The following USH2A variants were observed in gnomAD, a reference collection of about 807,000 sequenced individuals.
USH2A encodes usherin.
USH2A carries 443 observed loss-of-function variants against 538.9 expected under a neutral mutation model. The ratio of observed to expected loss-of-function variants is 0.82; its 90% CI spans 0.76 to 0.89. The LOEUF (loss-of-function observed/expected upper bound fraction) is 0.89. Among genes scored for constraint, USH2A ranks in the 40% least tolerant of loss-of-function variants. The pLI is 0.00. For synonymous variants in USH2A, 2,413 were observed against 2,273.5 expected (o/e 1.06, Z -1.75); for missense variants, 6,633 against 6,324.8 (o/e 1.05, Z -1.65).
chr1:215,942,227 C>A (rs1045815074), intron 37 of USH2A, among the ~76,000 whole-genome samples: 1 of 152,126 alleles, frequency 6.6e-6, no homozygotes, highest in African/African-American at 2.4e-5. Flanking sequence ...TGTTGCCTGG[C>A]GTTCACCCTC....
chr1:216,323,660 C>T lies in USH2A; in HGVS notation c.1364G>A (p.Ser455Asn), dbSNP rs2037664511. Residue 455 changes from serine (S) to asparagine (N), a missense_variant, in exon 8 of 72, where the codon AGC (serine) becomes AAC (asparagine). By Grantham distance (46) the Ser-to-Asn change is conservative (BLOSUM62 1). Coordinates refer to ENST00000307340, the MANE Select transcript of USH2A (RefSeq NM_206933.4). ...ATAATTTGGTCCAGGTGTCAGGATGCTAAATGTGACATTGCCACGGGAATA... is the reference window on the plus strand; with the variant it reads ...ATAATTTGGTCCAGGTGTCAGGATGTTAAATGTGACATTGCCACGGGAATA... Reference protein sequence around the residue: ...TPYSRGNVTFSILTPGPNYRP... With the variant: ...TPYSRGNVTFNILTPGPNYRP... 3 of 1,613,406 alleles carry T rather than the reference C, an allele frequency of 1.9e-6. No individual in the cohort carries two copies. Among genetic ancestry groups the T allele is most frequent in the Non-Finnish European group, 1.7e-6 (2 of 1,179,664 alleles).
At chr1:215,647,825 T>G (rs2102642413) in intron 66 of USH2A, 95 bp from the exon 67 acceptor site, 2 of 1,429,332 alleles carry the variant, frequency 1.4e-6, no homozygotes, top group Non-Finnish European at 1.9e-6. Flanking sequence ...GGAGACATTT[T>G]GTTTTCACAG....
chr1:216,175,542 T>C, intron 20 of USH2A, 60 bp from the exon 21 acceptor site: 2 of 1,428,156 alleles, frequency 1.4e-6, no homozygotes, highest in South Asian at 2.3e-5. Flanking sequence ...TAGACACACA[T>C]ATTCACATAT....
intron 12 of USH2A, among the ~76,000 whole-genome samples, chr1:216,247,689 G>A (rs1000264943): frequency 2.6e-5 from 4 of 152,052 alleles, no homozygotes; most frequent in African/African-American, 9.7e-5. Context: ...AAGTTCTGGA[G>A]CTCTATTGTA....
chr1:215,939,576 C>G (rs1324890769), intron 37 of USH2A, among the ~76,000 whole-genome samples: 1 of 151,892 alleles, frequency 6.6e-6, no homozygotes, highest in Admixed American at 6.6e-5. Flanking sequence ...AAAATCTATG[C>G]AATTATTTTT....
At chr1:216,094,368 C>T (rs2102570184) in intron 22 of USH2A, among the ~76,000 whole-genome samples, 1 of 152,270 alleles carries the variant, frequency 6.6e-6, no homozygotes, top group Admixed American at 6.5e-5. Context: ...CCTTATTCCA[C>T]CCACACCCCG....
Position 216,175,319 on chromosome 1 carries a change from G to T in USH2A, c.4560C>A (p.Ile1520=), listed in dbSNP as rs148000219. 1.2e-6 allele frequency: 2 copies of T among 1,613,782 alleles called. No individual in the cohort carries two copies. The highest frequency in any genetic ancestry group is 2.2e-5 in the South Asian group (2 of 91,084). Residue 1520 remains isoleucine (I), a synonymous_variant, in exon 21 of 72, where the codon ATC becomes ATA. Transcript: ENST00000307340. ...PALMTTMMKG[I]RFIGNGYCKF... is the part of the protein sequence containing the mutation. Reference sequence around the variant, plus strand: ...TACAATACCCATTTCCTATGAAACGGATTCCTTTCATCATCGTGGTCATCA... The same window carrying T: ...TACAATACCCATTTCCTATGAAACGTATTCCTTTCATCATCGTGGTCATCA...
At chr1:215,691,491 AGGTT>A (rs1366555215) in intron 61 of USH2A, among the ~76,000 whole-genome samples, 15 of 152,252 alleles carry the variant, frequency 9.9e-5, no homozygotes, top group African/African-American at 3.6e-4. Flanking sequence ...CTTTATGCAT[AGGTT>A]TGCATGAGTA....
intron 16 of USH2A, among the ~76,000 whole-genome samples, chr1:216,200,778 A>G (rs1458024725): frequency 6.6e-6 from 1 of 152,142 alleles, no homozygotes; most frequent in African/African-American, 2.4e-5. Flanking sequence ...ATGGCTGGAA[A>G]TCCTTGTTCT....
At chr1:215,706,215 C>T (rs1051224285) in intron 61 of USH2A, among the ~76,000 whole-genome samples, 9 of 152,188 alleles carry the variant, frequency 5.9e-5, no homozygotes, top group African/African-American at 2.2e-4. Context: ...ACATCCCTCT[C>T]ACTACCTCTA....
At chr1:216,251,204 A>G in intron 11 of USH2A, 106 bp from the exon 12 acceptor site, 1 of 1,097,230 alleles carries the variant, frequency 9.1e-7, no homozygotes, top group East Asian at 2.5e-5. Context: ...CTAAATGTTC[A>G]ACAGACAAGA....
rs1050634784 is a variant in USH2A, at chr1:215,918,363, T to C, written c.7300+16253A>G. Among the ~76,000 whole-genome samples the C allele has an allele frequency of 5.9e-5, 9 of 152,138 alleles. No individual in the cohort carries two copies. The East Asian group carries it at 1.6e-3, about 26-fold the overall frequency. ...CTTGGGAGGTGATCAGGTTATGATA[T>C]TGTAGCCCTCATGAATGCGGTTAGT... On this transcript the variant is annotated intron_variant, in intron 38 of 71. Coordinates refer to ENST00000307340, the MANE Select transcript of USH2A (RefSeq NM_206933.4).
At chr1:215,734,428 T>C (rs1409568140) in intron 60 of USH2A, among the ~76,000 whole-genome samples, 1 of 152,188 alleles carries the variant, frequency 6.6e-6, no homozygotes, top group Non-Finnish European at 1.5e-5. Flanking sequence ...GCCTTTTCCC[T>C]ATTATCTTGG....
At chr1:215,627,734 CA>C (rs1400142135) in intron 71 of USH2A, among the ~76,000 whole-genome samples, 2 of 152,064 alleles carry the variant, frequency 1.3e-5, no homozygotes, top group African/African-American at 4.8e-5. Context: ...CCATGTTGGT[CA>C]GGCTGGTCTC....
chr1:215,640,679 C>G lies in USH2A; in HGVS notation c.14847G>C (p.Val4949=). The G allele has an allele frequency of 6.2e-7, 1 of 1,613,886 alleles. No homozygotes were observed. Among genetic ancestry groups the G allele is most frequent in the Non-Finnish European group, 8.5e-7 (1 of 1,179,980 alleles). The change falls in exon 68 of 72, where the codon GTG becomes GTC. Residue 4949 remains valine, a synonymous_variant. Coordinates refer to ENST00000307340, the MANE Select transcript of USH2A (RefSeq NM_206933.4). The part of the protein sequence containing the change: ...SVDSNLSVVC[V]NWSDTFLLNG... ...TCAGGAGGAAGGTGTCACTCCAGTT[C>G]ACACACACCACAGACAAATTGCTGT...
intron 14 of USH2A, among the ~76,000 whole-genome samples, chr1:216,218,920 T>C (rs538179692): frequency 6.6e-6 from 1 of 152,086 alleles, no homozygotes; most frequent in East Asian, 1.9e-4. Context: ...TTATGTAGAG[T>C]CTATTGTTTA....
intron 55 of USH2A, among the ~76,000 whole-genome samples, chr1:215,770,499 A>G (rs1203235285): frequency 6.6e-6 from 1 of 152,072 alleles, no homozygotes; most frequent in Non-Finnish European, 1.5e-5. Flanking sequence ...GACAAAACTC[A>G]GGGTGTTTTT....
intron 38 of USH2A, among the ~76,000 whole-genome samples, chr1:215,930,735 C>T (rs1400459000): frequency 6.6e-6 from 1 of 151,960 alleles, no homozygotes; most frequent in Non-Finnish European, 1.5e-5. Flanking sequence ...TGCTGAATTC[C>T]ATGCATACAA....
intron 4 of USH2A, among the ~76,000 whole-genome samples, chr1:216,358,385 C>T (rs1436238797): frequency 6.6e-6 from 1 of 152,144 alleles, no homozygotes; most frequent in East Asian, 1.9e-4. Flanking sequence ...ACCTTTAATT[C>T]AGCTCAGTAA....
Sources: allele counts gnomAD v4.1 joint callset (sites outside exome capture counted in the v4.1 genomes callset), GRCh38; gene constraint gnomAD v4.1.1; transcripts MANE v1.5; gene names NCBI Gene and HGNC (gene_info 2026-07-23, HGNC 2026-07-21).